Variants in DLAT observed in about 807,000 individuals in gnomAD.
DLAT encodes the protein dihydrolipoamide S-acetyltransferase.
DLAT carries 43 observed loss-of-function variants against 68.0 expected under a neutral mutation model. That is an observed-to-expected ratio of 0.63 (90% CI 0.50 to 0.81). DLAT has a LOEUF of 0.81. Among genes scored for constraint, DLAT ranks in the 40% least tolerant of loss-of-function variants. The probability of loss-of-function intolerance (pLI) is 0.00; values close to 1 mark genes in which losing one functional copy is unlikely to be tolerated. For missense variants in DLAT, 745 were observed against 815.4 expected, an observed-to-expected ratio of 0.91 and a Z score of 1.05; for synonymous variants, 265 against 288.6, an observed-to-expected ratio of 0.92 and a Z score of 0.83.
chr11:112,026,841 G>C (rs587737202), intron 2 of DLAT, among the ~76,000 whole-genome samples: 1 of 152,300 alleles, frequency 6.6e-6, no homozygotes, highest in South Asian at 2.1e-4. Context: ...ACACCTCCCA[G>C]ACAGGGTGGT....
At chr11:112,036,201 G>GTTTT (rs1167345612) in intron 5 of DLAT, among the ~76,000 whole-genome samples, 576 of 36,488 alleles carry the variant, frequency 0.016, 94 homozygotes, top group Admixed American at 0.03. Context: ...GTGTGTGTGT[G>GTTTT]TTTTTTTTTT....
intron 10 of DLAT, among the ~76,000 whole-genome samples, chr11:112,050,920 G>T (rs376062079): frequency 2.6e-5 from 4 of 152,326 alleles, no homozygotes; most frequent in Non-Finnish European, 4.4e-5. Flanking sequence ...CCAATGTTTG[G>T]TTTCATTTCT....
At position 112,028,857 on chromosome 11, in the gene DLAT, C is replaced by G. The variant is rs200500508; in HGVS notation, c.572C>G (p.Ala191Gly). Residue 191 changes from alanine (A) to glycine (G), a missense_variant, in exon 4 of 14, where the codon GCG (alanine) becomes GGG (glycine). Transcript: ENST00000280346. ...TCCTCAGCAGCACCTACCCCACAAG[C>G]GGCCCCAGCACCAACCCCTGCTGCC... ...LDSSAAPTPQ[A>G]APAPTPAATA... is the part of the protein sequence containing the mutation. The G allele has an allele frequency of 1.2e-6, 2 of 1,614,026 alleles. No individual in the cohort carries two copies. The highest frequency in any genetic ancestry group is 3.3e-5 in the Admixed American group (2 of 59,984).
chr11:112,054,156 A>C (rs1863853454), intron 11 of DLAT, among the ~76,000 whole-genome samples: 1 of 147,248 alleles, frequency 6.8e-6, no homozygotes, highest in Non-Finnish European at 1.5e-5. Flanking sequence ...TAAAAATACA[A>C]AAAAAAAAAA....
intron 4 of DLAT, chr11:112,030,437 A>G (rs1862331868): frequency 5.6e-6 from 2 of 358,012 alleles, no homozygotes; most frequent in Non-Finnish European, 1.1e-5. Flanking sequence ...CAGACATCCA[A>G]GCTGTATCAT....
chr11:112,056,325 A>G (rs1199503382), intron 11 of DLAT, among the ~76,000 whole-genome samples: 1 of 152,206 alleles, frequency 6.6e-6, no homozygotes, highest in Non-Finnish European at 1.5e-5. Context: ...AAGATCACTC[A>G]TGCTCATTTA....
In DLAT at chr11:112,028,543, T is replaced by G. The variant is rs138505899; in HGVS notation, c.410T>G (p.Phe137Cys). 49 of 1,614,030 alleles carry G rather than the reference T, an allele frequency of 3.0e-5. No homozygotes were observed. The highest frequency in any genetic ancestry group is 3.9e-5 in the Non-Finnish European group (46 of 1,180,038). Reference sequence around the variant, plus strand: ...GAAACTGATAAAGCCACTGTTGGATTTGAGAGCCTGGAGGAGTGTTATATG... The same window carrying G: ...GAAACTGATAAAGCCACTGTTGGATGTGAGAGCCTGGAGGAGTGTTATATG... ...EVETDKATVG[F>C]ESLEECYMAK... The change falls in exon 3 of 14, where the codon TTT (phenylalanine) becomes TGT (cysteine). Residue 137 changes from phenylalanine to cysteine, a missense_variant. Coordinates refer to ENST00000280346, the MANE Select transcript of DLAT (RefSeq NM_001931.5).
At chr11:112,056,820 GTCC>G (rs1555182664) in intron 11 of DLAT, among the ~76,000 whole-genome samples, 1 of 152,118 alleles carries the variant, frequency 6.6e-6, no homozygotes, top group African/African-American at 2.4e-5. Context: ...GTTTCTCTAT[GTCC>G]TCATCAATAT....
At position 112,025,687 on chromosome 11, in the gene DLAT, G is replaced by A. The variant is rs782133109; in HGVS notation, c.215G>A (p.Arg72His). ...TPSSGATPRNRLLLQLLGSPG... is the reference protein window; with the variant it reads ...TPSSGATPRNHLLLQLLGSPG... Reference sequence around the variant, plus strand: ...AGTTCTGGGGCCACGCCGCGGAACCGCTTACTGCTGCAGCTTTTGGGGTCG... The same window carrying A: ...AGTTCTGGGGCCACGCCGCGGAACCACTTACTGCTGCAGCTTTTGGGGTCG... Residue 72 changes from arginine to histidine, a missense_variant, in exon 1 of 14, where the codon CGC (arginine) becomes CAC (histidine). By Grantham distance (29) the Arg-to-His change is conservative (BLOSUM62 0). Transcript: ENST00000280346. 1.2e-6 allele frequency: 2 copies of A among 1,613,072 alleles called. No homozygotes were observed. Among genetic ancestry groups the A allele is most frequent in the South Asian group, 1.1e-5 (1 of 91,068 alleles).
In DLAT at chr11:112,060,568, C is replaced by T. The variant is rs373631561; in HGVS notation, c.1678-470C>T. Among the ~76,000 whole-genome samples the T allele has an allele frequency of 2.0e-5, 3 of 152,130 alleles. No homozygotes were observed. In the South Asian group the frequency reaches 6.2e-4, roughly 31 times the overall value. The stretch of plus-strand genomic sequence containing the variant: ...CTCCCAGGTTCAAGCAATTCTCCTA[C>T]CTCTGCCTCCTGAGTAGCTGGTATT... On this transcript the variant is annotated intron_variant, in intron 12 of 13. Transcript: ENST00000280346.
rs782553716 is a variant in DLAT at position 112,063,338 on chromosome 11, T to C, written c.*803T>C. 2.6e-5 allele frequency: 4 copies of C among 152,390 alleles called. No homozygotes were observed. Among genetic ancestry groups the C allele is most frequent in the Non-Finnish European group, 4.4e-5 (3 of 68,028 alleles). The allele number at this position is 152,390 out of a possible 1,614,324, so 9.4% of individuals were successfully genotyped here. The stretch of plus-strand genomic sequence containing the variant: ...CAGAAGTTGTGAAACTAAAATTTTC[T>C]AAGATTAACTGGTAGTTCATTGTAA... On this transcript the variant is annotated 3_prime_UTR_variant, in exon 14 of 14. Coordinates refer to ENST00000280346, the MANE Select transcript of DLAT (RefSeq NM_001931.5).
At position 112,043,479 on chromosome 11, in the gene DLAT, T is replaced by A. The variant is rs782598020; in HGVS notation, c.1143T>A (p.Asp381Glu). The A allele has an allele frequency of 4.3e-6, 7 of 1,614,158 alleles. No homozygotes were observed. The highest frequency in any genetic ancestry group is 8.5e-7 in the Non-Finnish European group (1 of 1,179,984). ...DLTQVKGTGP[D>E]GRITKKDIDS... Reference sequence around the variant, plus strand: ...TGTCTCTTACAGGGACAGGACCAGATGGTAGAATCACCAAGAAGGATATCG... The same window carrying A: ...TGTCTCTTACAGGGACAGGACCAGAAGGTAGAATCACCAAGAAGGATATCG... Residue 381 changes from aspartate (D) to glutamate (E), a missense_variant, in exon 8 of 14, where the codon GAT (aspartate) becomes GAA (glutamate). Coordinates refer to ENST00000280346, the MANE Select transcript of DLAT (RefSeq NM_001931.5).
rs1863735249 is a variant in DLAT, at chr11:112,052,836, A to G, written c.1514+1487A>G. ...ATCCTCTAGTCATTTTGACCCTTCC[A>G]GTGACTGGCGCCATCCCGAGGTTAC... On this transcript the variant is annotated intron_variant, in intron 11 of 13. Coordinates refer to ENST00000280346, the MANE Select transcript of DLAT (RefSeq NM_001931.5). Among the ~76,000 whole-genome samples the G allele has an allele frequency of 2.0e-5, 3 of 152,258 alleles. No individual in the cohort carries two copies. In the South Asian group the frequency reaches 6.2e-4, roughly 32 times the overall value.
Position 112,061,154 on chromosome 11 carries a change from C to T in DLAT, c.1794C>T (p.Val598=), listed in dbSNP as rs1555183227. Residue 598 remains valine (V), a synonymous_variant, in exon 13 of 14, where the codon GTC becomes GTT. Transcript: ENST00000280346. Reference sequence around the variant, plus strand: ...TTGGTGCTTCAGAGGATAAACTGGTCCCTGCAGATAATGAAAAAGGGTAAG... The same window carrying T: ...TTGGTGCTTCAGAGGATAAACTGGTTCCTGCAGATAATGAAAAAGGGTAAG... ...LAIGASEDKL[V]PADNEKGFDV... The T allele has an allele frequency of 1.2e-6, 2 of 1,614,032 alleles. No homozygotes were observed. Among genetic ancestry groups the T allele is most frequent in the Non-Finnish European group, 1.7e-6 (2 of 1,180,016 alleles).
intron 11 of DLAT, among the ~76,000 whole-genome samples, chr11:112,056,072 T>C (rs1334898109): frequency 6.6e-6 from 1 of 151,806 alleles, no homozygotes; most frequent in African/African-American, 2.4e-5. Context: ...TTCACCATGT[T>C]GGCCAGAATG....
At position 112,062,546 on chromosome 11, in the gene DLAT, A is replaced by T. The variant is rs782549140; in HGVS notation, c.*11A>T. On this transcript the variant is annotated 3_prime_UTR_variant, in exon 14 of 14. Transcript: ENST00000280346. ...ACTATGTTGTTGTAACTAACTCAAG[A>T]ATTTCTAAACTCTCCCAGGTCACAC... The T allele has an allele frequency of 6.2e-7, 1 of 1,612,122 alleles. No homozygotes were observed. The highest frequency in any genetic ancestry group is 1.1e-5 in the South Asian group (1 of 90,992).
chr11:112,061,790 G>T (rs1566642961), intron 13 of DLAT, among the ~76,000 whole-genome samples: 1 of 152,122 alleles, frequency 6.6e-6, no homozygotes. Flanking sequence ...TCACCATGTA[G>T]GCCAGGCTGG....
intron 13 of DLAT, chr11:112,061,428 T>C (rs1749532113): frequency 2.3e-6 from 1 of 437,784 alleles, no homozygotes; most frequent in African/African-American, 2.0e-5. Flanking sequence ...TAGTGCCCGG[T>C]GTGCAGCAAA....
intron 11 of DLAT, 117 bp from the exon 12 acceptor site, chr11:112,059,786 C>A (rs1864432827): frequency 3.7e-6 from 3 of 809,620 alleles, no homozygotes; most frequent in South Asian, 1.9e-5. Context: ...TTTGGCTGAA[C>A]AATAACACAC....
Sources: allele counts gnomAD v4.1 joint callset (sites outside exome capture counted in the v4.1 genomes callset), GRCh38; gene constraint gnomAD v4.1.1; transcripts MANE v1.5; gene names NCBI Gene and HGNC (gene_info 2026-07-23, HGNC 2026-07-21).